PCDHGA6: variants seen among roughly 807,000 people sequenced by gnomAD.
PCDHGA6 encodes the protein protocadherin gamma-A6.
Under a neutral mutation model 60.6 loss-of-function variants are expected in PCDHGA6, and 41 were observed. The ratio of observed to expected loss-of-function variants is 0.68; its 90% CI spans 0.53 to 0.88. The LOEUF (loss-of-function observed/expected upper bound fraction) is 0.88, where lower values mean the gene tolerates loss of function less well. Ranked by LOEUF, PCDHGA6 falls within the 40% of genes least tolerant of loss-of-function variation. The pLI, the probability that PCDHGA6 is intolerant of heterozygous loss-of-function variation, is 0.00. For synonymous variants in PCDHGA6, 594 were observed against 524.4 expected (o/e 1.13, Z -1.81); for missense variants, 1,312 against 1,203.0 (o/e 1.09, Z -1.34).
At position 141,409,564 on chromosome 5, in the gene PCDHGA6, G is replaced by C. The variant is rs374234556; in HGVS notation, c.2424+33057G>C. ...ACGACAACGCCCCAGTTTTCGACCA[G>C]ACGTCCTACGTGGTCCACGTGGCCG... On this transcript the variant is annotated intron_variant, in intron 1 of 3. Coordinates refer to ENST00000517434, the MANE Select transcript of PCDHGA6 (RefSeq NM_018919.3). The C allele has an allele frequency of 4.0e-5, 64 of 1,613,870 alleles. No individual in the cohort carries two copies. Among genetic ancestry groups the C allele is most frequent in the Non-Finnish European group, 5.2e-5 (61 of 1,179,914 alleles).
chr5:141,423,233 TC>T, intron 1 of PCDHGA6: 1 of 1,613,860 alleles, frequency 6.2e-7, no homozygotes, highest in Non-Finnish European at 8.5e-7. Flanking sequence ...GCCGACAGCA[TC>T]CCCGAAGTCC....
rs747044319 is a variant in PCDHGA6 at position 141,382,892 on chromosome 5, G to C, written c.2424+6385G>C. The C allele has an allele frequency of 3.7e-5, 57 of 1,534,302 alleles. No individual in the cohort carries two copies. In the East Asian group the frequency reaches 9.8e-4, roughly 26 times the overall value. On this transcript the variant is annotated intron_variant, in intron 1 of 3. Coordinates refer to ENST00000517434, the MANE Select transcript of PCDHGA6 (RefSeq NM_018919.3). ...GATCGGCGCCTAAGCAAGAGAAGCA[G>C]GACGACTATGGCGGCTCAGCCGAGG...
At position 141,395,545 on chromosome 5, in the gene PCDHGA6, TGTG is replaced by T. The variant is rs1561655187; in HGVS notation, c.2424+19039_2424+19041del. The T allele has an allele frequency of 2.9e-4, 51 of 177,126 alleles. 1 individual carries two copies. The highest frequency in any genetic ancestry group is 1.2e-3 in the African/African-American group (46 of 38,988). 11.0% of individuals were successfully genotyped at this position (177,126 alleles called of 1,614,324 possible). A position where few individuals can be genotyped will look rare whatever the true frequency, so the allele number is the denominator to read the frequency against. ...ATACTGGTAATTTTGCTATTGTTTG[TGTG>T]TGTGTGTGTGTGTGTGTGTGTGTGT... is the stretch of plus-strand genomic sequence containing the variant. On this transcript the variant is annotated intron_variant, in intron 1 of 3. Coordinates refer to ENST00000517434, the MANE Select transcript of PCDHGA6 (RefSeq NM_018919.3).
chr5:141,482,041 T>C (rs1443886481), intron 1 of PCDHGA6, among the ~76,000 whole-genome samples: 2 of 150,190 alleles, frequency 1.3e-5, no homozygotes, highest in Non-Finnish European at 2.9e-5. Context: ...GCCAAGATCA[T>C]GCTGTTGCAT....
chr5:141,498,713 C>T (rs1216279302), intron 2 of PCDHGA6, among the ~76,000 whole-genome samples: 1 of 152,148 alleles, frequency 6.6e-6, no homozygotes, highest in East Asian at 1.9e-4. Flanking sequence ...GGGTGGATCA[C>T]CTGAGGTCAG....
At chr5:141,403,614 G>A (rs772617526) in intron 1 of PCDHGA6, 4 of 1,613,750 alleles carry the variant, frequency 2.5e-6, no homozygotes, top group Non-Finnish European at 3.4e-6. Flanking sequence ...GGCGAGCCGC[G>A]TCGCTCCAGC....
chr5:141,375,877 G>A lies in PCDHGA6; in HGVS notation c.1794G>A (p.Ser598=), dbSNP rs752155500. ...AGGTGGTGGCGGTGGACAGAGACTC[G>A]GGCCAGAACGCCTGGCTGTCCTACC... The part of the protein sequence containing the change: ...VTKVVAVDRD[S]GQNAWLSYRL... Residue 598 remains serine (S), a synonymous_variant, in exon 1 of 4, where the codon TCG becomes TCA. Transcript: ENST00000517434. 8 of 1,613,676 alleles carry A rather than the reference G, an allele frequency of 5.0e-6. No individual in the cohort carries two copies. In the East Asian group the frequency reaches 1.3e-4, roughly 27 times the overall value.
rs767701229 is a variant in PCDHGA6, at chr5:141,405,417, T to TTTTTG, written c.2424+28925_2424+28929dup. 250 of 1,563,234 alleles carry TTTTTG rather than the reference T, an allele frequency of 1.6e-4. 1 individual carries two copies. Among genetic ancestry groups the TTTTTG allele is most frequent in the Admixed American group, 1.3e-4 (7 of 55,240 alleles). On this transcript the variant is annotated intron_variant, in intron 1 of 3. Coordinates refer to ENST00000517434, the MANE Select transcript of PCDHGA6 (RefSeq NM_018919.3). The stretch of plus-strand genomic sequence containing the variant: ...TTCTTTCTTTCTTTTCTTTTTTTGT[T>TTTTTG]TTTTGTTTTGTTTTGTTTTTGAGAC...
At position 141,489,586 on chromosome 5, in the gene PCDHGA6, C is replaced by T; in HGVS notation, c.2425-5221C>T. 1 of 1,614,082 alleles carries T rather than the reference C, an allele frequency of 6.2e-7. No individual in the cohort carries two copies. The highest frequency in any genetic ancestry group is 8.5e-7 in the Non-Finnish European group (1 of 1,179,988). On this transcript the variant is annotated intron_variant, in intron 1 of 3. Coordinates refer to ENST00000517434, the MANE Select transcript of PCDHGA6 (RefSeq NM_018919.3). This position sits in a 1 kb window ranked among gnomAD's most constrained non-coding sequence, Gnocchi z 4.5. ...GGTGGTGACTGAACACCCCCTGGAG[C>T]TAATCCGTGTAGAGGTAGAGATCCT...
intron 1 of PCDHGA6, among the ~76,000 whole-genome samples, chr5:141,454,250 C>T (rs1453631901): frequency 6.6e-6 from 1 of 151,974 alleles, no homozygotes; most frequent in African/African-American, 2.4e-5. Context: ...TGAAGATGTC[C>T]CAGAGAAAGT....
At chr5:141,405,145 G>T (rs772542898) in intron 1 of PCDHGA6, 1 of 1,614,070 alleles carries the variant, frequency 6.2e-7, no homozygotes, top group Non-Finnish European at 8.5e-7. Context: ...CCAGTGATGG[G>T]TTGGCTGGTG....
In PCDHGA6 at chr5:141,487,135, A is replaced by T; in HGVS notation, c.2425-7672A>T. 6.2e-7 allele frequency: 1 copy of T among 1,613,544 alleles called. No individual in the cohort carries two copies. The highest frequency in any genetic ancestry group is 8.5e-7 in the Non-Finnish European group (1 of 1,179,856). ...TGGTAAAGGATAGTGGTAGTCCACC[A>T]CTCTCTACCTCTGTTACTCTCTTAG... On this transcript the variant is annotated intron_variant, in intron 1 of 3. Transcript: ENST00000517434. The surrounding 1 kb of genome is among the most constrained non-coding windows in gnomAD (Gnocchi z 5.0).
chr5:141,432,586 C>T lies in PCDHGA6; in HGVS notation c.2424+56079C>T. The T allele has an allele frequency of 1.9e-6, 3 of 1,613,852 alleles. No homozygotes were observed. Among genetic ancestry groups the T allele is most frequent in the Non-Finnish European group, 2.5e-6 (3 of 1,179,972 alleles). On this transcript the variant is annotated intron_variant, in intron 1 of 3. Transcript: ENST00000517434. The surrounding 1 kb of genome is among the most constrained non-coding windows in gnomAD (Gnocchi z 6.0). ...ACGCCTGGCTGTCCTACCGTCTGCT[C>T]AAGGCCAGCGAGCCGGGACTCTTCT...
intron 1 of PCDHGA6, chr5:141,403,277 C>G (rs2094385466): frequency 6.2e-7 from 1 of 1,613,750 alleles, no homozygotes; most frequent in Admixed American, 1.7e-5. Context: ...CTTTAAAGTC[C>G]TGGTTGAAGA....
intron 1 of PCDHGA6, chr5:141,393,975 G>C (rs2092889131): frequency 6.2e-7 from 1 of 1,613,680 alleles, no homozygotes; most frequent in Admixed American, 1.7e-5. Context: ...TTACACACGT[G>C]ATAATTTACC....
chr5:141,440,902 G>C (rs138147244), intron 1 of PCDHGA6: 1 of 152,110 alleles, frequency 6.6e-6, no homozygotes, highest in Admixed American at 6.6e-5. Context: ...ATGTGCATCC[G>C]GGCACTCCTG....
intron 1 of PCDHGA6, among the ~76,000 whole-genome samples, chr5:141,483,652 G>A (rs746306843): frequency 2.0e-5 from 3 of 151,916 alleles, no homozygotes; most frequent in Non-Finnish European, 4.4e-5. Context: ...GTGTGTTTGT[G>A]TGTGTGTGTG....
Position 141,484,647 on chromosome 5 carries a change from G to A in PCDHGA6, c.2425-10160G>A, listed in dbSNP as rs556711906. Among the ~76,000 whole-genome samples, 104 of 152,066 alleles carry A rather than the reference G, an allele frequency of 6.8e-4. 3 individuals carry two copies. Among genetic ancestry groups the A allele is most frequent in the East Asian group, 1.2e-3 (6 of 5,166 alleles). ...TGAACAAAGTGACCACTCTCCAATG[G>A]CTACTCTCCCTCTCAGTGGGCCGCA... On this transcript the variant is annotated intron_variant, in intron 1 of 3. Transcript: ENST00000517434.
intron 1 of PCDHGA6, chr5:141,411,163 C>T (rs1001422146): frequency 6.6e-6 from 1 of 152,132 alleles, no homozygotes; most frequent in African/African-American, 2.4e-5. Context: ...TTCTGACTAT[C>T]GAACAGAAGC....
Sources: gnomAD v4.1 joint callset for allele counts (sites outside exome capture counted in the v4.1 genomes callset) on GRCh38, gnomAD v4.1.1 for gene constraint, Gnocchi (gnomAD v3.1) non-coding constraint, MANE v1.5 for transcripts, NCBI Gene and HGNC (gene_info 2026-07-23, HGNC 2026-07-21) for gene names.